Variants in TRIM43 observed in about 807,000 individuals in gnomAD.
The protein encoded by TRIM43 is tripartite motif-containing protein 43.
Under a neutral mutation model 27.7 loss-of-function variants are expected in TRIM43, and 12 were observed. The observed-to-expected ratio is 0.43, with a 90% CI of 0.28 to 0.70. The LOEUF is 0.70. TRIM43 is among the 30% of genes least tolerant of loss of function. The probability of loss-of-function intolerance (pLI) is 0.17; values close to 1 mark genes in which losing one functional copy is unlikely to be tolerated. For synonymous variants in TRIM43, 64 were observed against 121.9 expected (o/e 0.52, Z 3.13); for missense variants, 186 against 356.5 (o/e 0.52, Z 3.85).
rs1323816475 is a variant in TRIM43 at position 95,593,819 on chromosome 2, T to C, written c.-4-201T>C. 2.6e-5 allele frequency among the ~76,000 whole-genome samples: 4 copies of C among 151,870 alleles called. 1 individual carries two copies. The highest frequency in any genetic ancestry group is 6.6e-5 in the Admixed American group (1 of 15,262). On this transcript the variant is annotated intron_variant, in intron 1 of 6. Transcript: ENST00000272395. ...TTTGGAAAGCTGGTCATGTGTTGATTGGAGAACAGTCACTTTTTATAGAGG... is the reference window on the plus strand; with the variant it reads ...TTTGGAAAGCTGGTCATGTGTTGATCGGAGAACAGTCACTTTTTATAGAGG...
At chr2:95,592,773 G>A (rs576646526) in intron 1 of TRIM43, among the ~76,000 whole-genome samples, 1 of 151,312 alleles carries the variant, frequency 6.6e-6, no homozygotes, top group Non-Finnish European at 1.5e-5. Flanking sequence ...CCTGCCTGAC[G>A]GCCTCCCAAA....
At position 95,596,366 on chromosome 2, in the gene TRIM43, A is replaced by T; in HGVS notation, c.672A>T (p.Lys224Asn). ...RSWVKMDQKS[K>N]HLKEMYQELM... ...GGGTCAAAATGGATCAAAAGAGTAA[A>T]CACTTGAAAGAAATGTATCAGGAAC... is the stretch of plus-strand genomic sequence containing the variant. Residue 224 changes from lysine (K) to asparagine (N), a missense_variant, in exon 4 of 7, where the codon AAA (lysine) becomes AAT (asparagine). Physicochemically the swap from Lys to Asn is moderately conservative, Grantham distance 94. Around this residue, in one of 6 missense-constraint regions of TRIM43, gnomAD observed 20 missense variants for 30.4 expected, o/e 0.66. Coordinates refer to ENST00000272395, the MANE Select transcript of TRIM43 (RefSeq NM_138800.3). The T allele has an allele frequency of 6.2e-7, 1 of 1,606,456 alleles. No individual in the cohort carries two copies.
At chr2:95,593,008 A>C (rs541553391) in intron 1 of TRIM43, among the ~76,000 whole-genome samples, 3 of 150,666 alleles carry the variant, frequency 2.0e-5, no homozygotes, top group Non-Finnish European at 4.4e-5. Flanking sequence ...GCCATTCTCC[A>C]GCCTCCGCCT....
In TRIM43 at chr2:95,595,111, T is replaced by C. The variant is rs1435431216; in HGVS notation, c.473T>C (p.Leu158Pro). 1 of 1,612,414 alleles carries C rather than the reference T, an allele frequency of 6.2e-7. No homozygotes were observed. Among genetic ancestry groups the C allele is most frequent in the South Asian group, 1.1e-5 (1 of 90,896 alleles). The change falls in exon 3 of 7, where the codon CTA becomes CCA. Residue 158 changes from leucine to proline, a missense_variant. Leu to Pro is a moderately conservative substitution (Grantham distance 98, BLOSUM62 -3). Around this residue, in one of 6 missense-constraint regions of TRIM43, gnomAD observed 91 missense variants for 119.3 expected, o/e 0.76. Transcript: ENST00000272395. ...AAGATTCAAGAAAATCAGAGAAATC[T>C]ATATGAGGAGGGAAGAACAGCCTTC... Reference protein sequence around the residue: ...WKKIQENQRNLYEEGRTAFLW... With the variant: ...WKKIQENQRNPYEEGRTAFLW...
chr2:95,594,995 T>A, intron 2 of TRIM43, 55 bp from the exon 3 acceptor site: 1 of 1,575,542 alleles, frequency 6.3e-7, no homozygotes, highest in Non-Finnish European at 8.7e-7. Context: ...CCACTCAGAT[T>A]GTGGAATCTT....
At chr2:95,592,828 T>C (rs1395382196) in intron 1 of TRIM43, among the ~76,000 whole-genome samples, 1 of 150,434 alleles carries the variant, frequency 6.6e-6, no homozygotes. Context: ...GCTTGGTTTT[T>C]ATTTTTATTT....
At chr2:95,593,220 T>C (rs1283216367) in intron 1 of TRIM43, among the ~76,000 whole-genome samples, 1 of 151,974 alleles carries the variant, frequency 6.6e-6, no homozygotes. Flanking sequence ...GTGCCTGTTA[T>C]TGCATGATAC....
intron 3 of TRIM43, among the ~76,000 whole-genome samples, chr2:95,595,594 A>G (rs2707321): frequency 3.3e-5 from 5 of 150,616 alleles, no homozygotes; most frequent in East Asian, 3.9e-4. Context: ...AAAATGCAAC[A>G]TGAGGAAAAG....
intron 1 of TRIM43, among the ~76,000 whole-genome samples, chr2:95,592,777 T>G (rs1245669335): frequency 6.6e-6 from 1 of 151,680 alleles, no homozygotes; most frequent in East Asian, 1.9e-4. Context: ...CCTGACGGCC[T>G]CCCAAAATGC....
At chr2:95,595,168 T>A in intron 3 of TRIM43, 23 bp downstream of exon 3, 5 of 1,573,226 alleles carry the variant, frequency 3.2e-6, no homozygotes, top group Non-Finnish European at 4.3e-6. Flanking sequence ...CCGTGAGTCC[T>A]CCTGACCAGC....
rs1370422565 is a variant in TRIM43 at position 95,596,201 on chromosome 2, G to A, written c.508-1G>A. On this transcript the variant is annotated splice_acceptor_variant, in intron 3 of 6. Transcript: ENST00000272395. LOFTEE classifies it high-confidence loss of function. ...AACCTACAAAATTCATATCCCTACA[G>A]GGCAATGTGGTTTTACGGGCACAGA... is the stretch of plus-strand genomic sequence containing the variant. 10 of 1,610,102 alleles carry A rather than the reference G, an allele frequency of 6.2e-6. No individual in the cohort carries two copies. The highest frequency in any genetic ancestry group is 7.6e-6 in the Non-Finnish European group (9 of 1,178,568).
chr2:95,595,651 A>G (rs1685343963), intron 3 of TRIM43, among the ~76,000 whole-genome samples: 1 of 150,750 alleles, frequency 6.6e-6, no homozygotes, highest in South Asian at 2.1e-4. Flanking sequence ...GAGGATAAAT[A>G]TGTCATTATT....
rs1685365782 is a variant in TRIM43, at chr2:95,599,346, TTTC to T, written c.1120_1122del (p.Leu375del). 5.8e-6 allele frequency: 3 copies of T among 517,048 alleles called. No homozygotes were observed. The highest frequency in any genetic ancestry group is 9.7e-6 in the Non-Finnish European group (3 of 307,848). The allele number at this position is 517,048 out of a possible 1,614,324, so 32.0% of individuals were successfully genotyped here. ...CACAATGGTTAACTCTGAGGACATA[TTTC>T]TTCTTTTGTGTCTGAAGGTGGATAA... On this transcript the variant is annotated inframe_deletion, in exon 7 of 7. Transcript: ENST00000272395.
chr2:95,596,538 G>A lies in TRIM43; in HGVS notation c.738+106G>A, dbSNP rs1165638293. 7.6e-6 allele frequency: 11 copies of A among 1,455,084 alleles called. No homozygotes were observed. In the East Asian group the frequency reaches 1.2e-4, roughly 16 times the overall value. 90.1% of individuals were successfully genotyped at this position (1,455,084 alleles called of 1,614,324 possible). ...TTATTTCCTCATCTCCTGTACTGAC[G>A]GTGAGAGTCATTCCCACCGGTTATA... On this transcript the variant is annotated intron_variant, in intron 4 of 6. Transcript: ENST00000272395.
rs1214002544 is a variant in TRIM43, at chr2:95,592,660, C to G, written c.-5+511C>G. 2.6e-5 allele frequency among the ~76,000 whole-genome samples: 4 copies of G among 151,292 alleles called. No homozygotes were observed. In the South Asian group the frequency reaches 6.2e-4, roughly 24 times the overall value. On this transcript the variant is annotated intron_variant, in intron 1 of 6. Transcript: ENST00000272395. ...TGTTGGGATTACAGGCCTGAGCCAC[C>G]GCGCCCGGCCTTTTTTTTTTAAATT...
chr2:95,593,367 A>G (rs1685291157), intron 1 of TRIM43, among the ~76,000 whole-genome samples: 1 of 151,094 alleles, frequency 6.6e-6, no homozygotes, highest in African/African-American at 2.4e-5. Flanking sequence ...ACTGTCCAGG[A>G]ACAGTAAACA....
intron 2 of TRIM43, 68 bp downstream of exon 2, chr2:95,594,502 T>C: frequency 6.3e-7 from 1 of 1,580,354 alleles, no homozygotes; most frequent in Non-Finnish European, 8.6e-7. Context: ...AGAAGGATGA[T>C]GAGAATCATG....
intron 1 of TRIM43, among the ~76,000 whole-genome samples, chr2:95,593,760 A>G (rs1358520697): frequency 6.6e-6 from 1 of 151,858 alleles, no homozygotes; most frequent in Non-Finnish European, 1.5e-5. Flanking sequence ...AACACCTCAA[A>G]AAATCCGACA....
At chr2:95,593,443 C>T (rs1270439966) in intron 1 of TRIM43, among the ~76,000 whole-genome samples, 2 of 151,710 alleles carry the variant, frequency 1.3e-5, no homozygotes, top group African/African-American at 2.4e-5. Context: ...CTTAGCTTTA[C>T]CTTGGAGAGG....
Sources: allele counts gnomAD v4.1 joint callset (sites outside exome capture counted in the v4.1 genomes callset), GRCh38; gene constraint gnomAD v4.1.1; regional missense constraint gnomAD v4.1.1; transcripts MANE v1.5; gene names NCBI Gene and HGNC (gene_info 2026-07-23, HGNC 2026-07-21).